Variants in STKLD1 observed in about 807,000 individuals in gnomAD.
The protein encoded by STKLD1 is serine/threonine kinase like domain containing 1.
STKLD1 carries 79 observed loss-of-function variants against 80.4 expected under a neutral mutation model. The observed-to-expected ratio is 0.98, with a 90% confidence interval of 0.82 to 1.19. STKLD1 has a LOEUF of 1.19. Among genes scored for constraint, STKLD1 ranks in the 50% most tolerant of loss-of-function variants. The pLI is 0.00. For synonymous variants in STKLD1, 393 were observed against 357.6 expected (o/e 1.10, Z -1.12); for missense variants, 841 against 856.0 (o/e 0.98, Z 0.22).
At chr9:133,401,935 G>C in intron 13 of STKLD1, 57 bp downstream of exon 13, 1 of 1,593,420 alleles carries the variant, frequency 6.3e-7, no homozygotes, top group East Asian at 2.2e-5. Context: ...CCTTCCCAGG[G>C]GTCTTGGAAG....
At chr9:133,403,435 T>C (rs782714119) in intron 14 of STKLD1, among the ~76,000 whole-genome samples, 2 of 152,094 alleles carry the variant, frequency 1.3e-5, no homozygotes, top group Non-Finnish European at 2.9e-5. Flanking sequence ...GACCCCATCT[T>C]GGCACTCCAG....
chr9:133,386,257 G>A (rs1838264111), intron 4 of STKLD1, among the ~76,000 whole-genome samples: 1 of 152,210 alleles, frequency 6.6e-6, no homozygotes, highest in Non-Finnish European at 1.5e-5. Context: ...AGAAGAAACA[G>A]AGGCTAACAG....
Position 133,394,761 on chromosome 9 carries a change from C to G in STKLD1, c.702+352C>G, listed in dbSNP as rs1564381301. On this transcript the variant is annotated intron_variant, in intron 8 of 17. Transcript: ENST00000371957. This position sits in a 1 kb window ranked among gnomAD's most constrained non-coding sequence, Gnocchi z 4.9. Reference sequence around the variant, plus strand: ...GCACGGAGTTGCAAGCAACGGGAACCCAGTGTGGGCCTGAACACACCTGGC... The same window carrying G: ...GCACGGAGTTGCAAGCAACGGGAACGCAGTGTGGGCCTGAACACACCTGGC... The G allele has an allele frequency of 3.5e-6, 1 of 286,284 alleles. No individual in the cohort carries two copies. The highest frequency in any genetic ancestry group is 6.7e-6 in the Non-Finnish European group (1 of 148,270). 17.7% of individuals were successfully genotyped at this position (286,284 alleles called of 1,614,324 possible).
chr9:133,400,262 G>T, intron 11 of STKLD1, 151 bp from the exon 12 acceptor site: 1 of 632,558 alleles, frequency 1.6e-6, no homozygotes, highest in Non-Finnish European at 2.8e-6. Context: ...TGCACTCCAT[G>T]GACCTAGCGC....
intron 7 of STKLD1, among the ~76,000 whole-genome samples, chr9:133,392,888 A>G: frequency 4.9e-5 from 1 of 20,342 alleles, no homozygotes. Flanking sequence ...AGTGGATTGG[A>G]TGGATGGATA....
Position 133,401,875 on chromosome 9 carries a change from C to T in STKLD1, c.1336C>T (p.Gln446Ter), listed in dbSNP as rs781963015. 3.7e-6 allele frequency: 6 copies of T among 1,613,190 alleles called. No individual in the cohort carries two copies. The Admixed American group carries it at 5.0e-5, about 13-fold the overall frequency. ...CAGCCTGCTAGCCATCACCACAACCCAGGGTGTGTCTGCCAGCCACCTCCT... is the reference window on the plus strand; with the variant it reads ...CAGCCTGCTAGCCATCACCACAACCTAGGGTGTGTCTGCCAGCCACCTCCT... ...VYSLLAITTTQESESLSEELQ... is the reference protein window; with the variant it reads ...VYSLLAITTT The change falls in exon 13 of 18, where the codon CAG becomes TAG. Residue 446 changes from glutamine (Q) to a stop codon, truncating the protein, a stop_gained. Coordinates refer to ENST00000371957, the MANE Select transcript of STKLD1 (RefSeq NM_153710.5). LOFTEE classifies it high-confidence loss of function.
rs2130249147 is a variant in STKLD1 at position 133,376,537 on chromosome 9, G to A, written c.64G>A (p.Gly22Arg). 6.2e-7 allele frequency: 1 copy of A among 1,600,116 alleles called. No individual in the cohort carries two copies. Among genetic ancestry groups the A allele is most frequent in the Non-Finnish European group, 8.5e-7 (1 of 1,175,132 alleles). The change falls in exon 1 of 18, where the codon GGA (glycine) becomes AGA (arginine). Residue 22 changes from glycine (G) to arginine (R), a missense_variant. By Grantham distance (125) the Gly-to-Arg change is moderately radical. Coordinates refer to ENST00000371957, the MANE Select transcript of STKLD1 (RefSeq NM_153710.5). The stretch of plus-strand genomic sequence containing the variant: ...GGGGGAGCGAGGCCCAGGGTCCCCC[G>A]GAGAGCCCATGGAGAAGTACCAGGT... ...TQGERGPGSP[G>R]EPMEKYQVLY...
intron 2 of STKLD1, among the ~76,000 whole-genome samples, chr9:133,380,332 A>G (rs1838101072): frequency 6.6e-6 from 1 of 150,494 alleles, no homozygotes; most frequent in Admixed American, 6.6e-5. Context: ...GGCATGAGCC[A>G]CCGCGTCCGG....
At position 133,385,678 on chromosome 9, in the gene STKLD1, C is replaced by T. The variant is rs150285987; in HGVS notation, c.281C>T (p.Thr94Met). 1.5e-5 allele frequency: 24 copies of T among 1,612,984 alleles called. No homozygotes were observed. The African/African-American group carries it at 2.3e-4, about 15-fold the overall frequency. The change falls in exon 4 of 18, where the codon ACG becomes ATG. Residue 94 changes from threonine to methionine, a missense_variant. Coordinates refer to ENST00000371957, the MANE Select transcript of STKLD1 (RefSeq NM_153710.5). The surrounding 1 kb of genome is among the most constrained non-coding windows in gnomAD (Gnocchi z 4.9). ...TCTGTGTACCAGGAGCTGTTCATCA[C>T]GTGGAATGGGGAGGTGGGTCAGAGC... ...HISVYQELFI[T>M]WNGEISSLYL...
chr9:133,396,764 A>C (rs1012493733), intron 9 of STKLD1, among the ~76,000 whole-genome samples: 7 of 152,180 alleles, frequency 4.6e-5, no homozygotes, highest in Non-Finnish European at 8.8e-5. Flanking sequence ...TCTAAAAAAA[A>C]ACCCAAACAA....
rs201285316 is a variant in STKLD1, at chr9:133,383,941, G to A, written c.219+41G>A. 7.0e-6 allele frequency: 11 copies of A among 1,578,050 alleles called. No individual in the cohort carries two copies. In the African/African-American group the frequency reaches 1.1e-4, roughly 15 times the overall value. Reference sequence around the variant, plus strand: ...GTTTTCCCTCTGGAAGAGCTCAATGGAGCATACACAGACTGTGTTCTGTAC... The same window carrying A: ...GTTTTCCCTCTGGAAGAGCTCAATGAAGCATACACAGACTGTGTTCTGTAC... On this transcript the variant is annotated intron_variant, in intron 3 of 17. Coordinates refer to ENST00000371957, the MANE Select transcript of STKLD1 (RefSeq NM_153710.5).
chr9:133,400,104 G>C (rs1243264245), intron 11 of STKLD1, among the ~76,000 whole-genome samples: 1 of 152,178 alleles, frequency 6.6e-6, no homozygotes, highest in African/African-American at 2.4e-5. Flanking sequence ...CTCTGGAATA[G>C]ACTGGCTAGG....
chr9:133,400,429 G>A lies in STKLD1; in HGVS notation c.1098G>A (p.Pro366=), dbSNP rs141819823. 969 of 1,612,936 alleles carry A rather than the reference G, an allele frequency of 6.0e-4. 2 individuals are homozygous for A. The African/African-American group carries it at 7.8e-3, about 13-fold the overall frequency. Reference sequence around the variant, plus strand: ...CCCTGCCAGGTCTGCCGTGGCCCCCGGAGCTGGTGGAGGTGGTGGTCACGA... The same window carrying A: ...CCCTGCCAGGTCTGCCGTGGCCCCCAGAGCTGGTGGAGGTGGTGGTCACGA... ...PADQLGLPWP[P]ELVEVVVTTM... is the part of the protein sequence containing the mutation. Residue 366 remains proline, a synonymous_variant, in exon 12 of 18, where the codon CCG becomes CCA. Coordinates refer to ENST00000371957, the MANE Select transcript of STKLD1 (RefSeq NM_153710.5).
rs1838288967 is a variant in STKLD1, at chr9:133,387,431, C to T, written c.295-16C>T. ...GGCCTGGGCGTCCTTTGGCTAAGGGCCTCCTGTCCCAGCAGATCTCTTCTC... is the reference window on the plus strand; with the variant it reads ...GGCCTGGGCGTCCTTTGGCTAAGGGTCTCCTGTCCCAGCAGATCTCTTCTC... On this transcript the variant is annotated splice_polypyrimidine_tract_variant and intron_variant, in intron 4 of 17. Transcript: ENST00000371957. The T allele has an allele frequency of 1.9e-6, 3 of 1,609,768 alleles. No individual in the cohort carries two copies. The highest frequency in any genetic ancestry group is 2.6e-6 in the Non-Finnish European group (3 of 1,176,444).
intron 7 of STKLD1, among the ~76,000 whole-genome samples, chr9:133,393,369 T>C (rs1554776182): frequency 1.5e-5 from 2 of 129,920 alleles, no homozygotes; most frequent in African/African-American, 3.0e-5. Flanking sequence ...GATATATGGA[T>C]GGATAGATGG....
In STKLD1 at chr9:133,405,233, C is replaced by G; in HGVS notation, c.1874-19C>G. 6.3e-7 allele frequency: 1 copy of G among 1,582,378 alleles called. No individual in the cohort carries two copies. Among genetic ancestry groups the G allele is most frequent in the Non-Finnish European group, 8.6e-7 (1 of 1,163,408 alleles). On this transcript the variant is annotated intron_variant, in intron 17 of 17. Coordinates refer to ENST00000371957, the MANE Select transcript of STKLD1 (RefSeq NM_153710.5). The stretch of plus-strand genomic sequence containing the variant: ...ACAGGAAGGACTCTGGCCTCAGGAC[C>G]TTCCTGCTCCACCTGCAGAGGAGAT...
chr9:133,392,694 A>G (rs1346037830), intron 7 of STKLD1, among the ~76,000 whole-genome samples: 2,226 of 36,392 alleles, frequency 0.061, 231 homozygotes, highest in African/African-American at 0.073. Context: ...TGAGTAGGTG[A>G]GTGGATGAGT....
At position 133,403,848 on chromosome 9, in the gene STKLD1, T is replaced by C. The variant is rs781831443; in HGVS notation, c.1603+20T>C. ...TGCTGGGTGAGCTGGGTGGGCGCCCTGGGCCCCTGGGGCTGGGAGGGGTGG... is the reference window on the plus strand; with the variant it reads ...TGCTGGGTGAGCTGGGTGGGCGCCCCGGGCCCCTGGGGCTGGGAGGGGTGG... On this transcript the variant is annotated intron_variant, in intron 15 of 17. Transcript: ENST00000371957. The C allele has an allele frequency of 1.2e-6, 2 of 1,612,500 alleles. No individual in the cohort carries two copies. Among genetic ancestry groups the C allele is most frequent in the South Asian group, 2.2e-5 (2 of 91,038 alleles).
Position 133,394,028 on chromosome 9 carries a change from T to C in STKLD1, c.584-263T>C, listed in dbSNP as rs1838492529. The C allele has an allele frequency of 4.2e-6, 2 of 479,036 alleles. No individual in the cohort carries two copies. Among genetic ancestry groups the C allele is most frequent in the Non-Finnish European group, 3.8e-6 (1 of 264,420 alleles). 29.7% of individuals were successfully genotyped at this position (479,036 alleles called of 1,614,324 possible). ...CCAGGGCACACAGACACACCACCTA[T>C]ATGGGCCAGCCTGGTGGGCACCCAC... On this transcript the variant is annotated intron_variant, in intron 7 of 17. Transcript: ENST00000371957. The surrounding 1 kb of genome is among the most constrained non-coding windows in gnomAD (Gnocchi z 4.9).
Sources: gnomAD v4.1 joint callset for allele counts (sites outside exome capture counted in the v4.1 genomes callset) on GRCh38, gnomAD v4.1.1 for gene constraint, Gnocchi (gnomAD v3.1) non-coding constraint, MANE v1.5 for transcripts, NCBI Gene and HGNC (gene_info 2026-07-23, HGNC 2026-07-21) for gene names.